Variants in BANK1 observed in about 807,000 individuals in gnomAD.
The protein encoded by BANK1 is B cell scaffold protein with ankyrin repeats 1, also known as B-cell scaffold protein with ankyrin repeats.
BANK1 carries 95 observed loss-of-function variants against 94.5 expected under a neutral mutation model. The observed-to-expected ratio is 1.00, with a 90% CI of 0.85 to 1.19. The LOEUF is 1.19. Among genes scored for constraint, BANK1 ranks in the 50% most tolerant of loss-of-function variants. The pLI is 0.00. For missense variants in BANK1, 987 were observed against 932.2 expected, an observed-to-expected ratio of 1.06 and a Z score of -0.77; for synonymous variants, 334 against 308.4, an observed-to-expected ratio of 1.08 and a Z score of -0.87.
chr4:101,999,612 A>G (rs1038557191), intron 7 of BANK1, among the ~76,000 whole-genome samples: 2 of 152,232 alleles, frequency 1.3e-5, no homozygotes, highest in South Asian at 4.1e-4. Context: ...GCACTGGAAT[A>G]TAATAGTGAG....
intron 7 of BANK1, among the ~76,000 whole-genome samples, chr4:102,017,616 C>A (rs1277644524): frequency 1.3e-5 from 2 of 152,190 alleles, no homozygotes; most frequent in African/African-American, 4.8e-5. Flanking sequence ...TTCAATTCTG[C>A]CTTCCTAAGA....
At chr4:101,840,397 C>G in intron 2 of BANK1, among the ~76,000 whole-genome samples, 1 of 152,040 alleles carries the variant, frequency 6.6e-6, no homozygotes, top group Non-Finnish European at 1.5e-5. Flanking sequence ...CAAAATCTGG[C>G]CATAAACTTG....
At chr4:101,955,469 T>C (rs1724305445) in intron 7 of BANK1, among the ~76,000 whole-genome samples, 1 of 152,112 alleles carries the variant, frequency 6.6e-6, no homozygotes. Context: ...TTAGAGCCAG[T>C]GTCTTTTTTT....
rs149640130 is a variant in BANK1 at position 102,034,766 on chromosome 4, C to CAGTA, written c.1900+4505_1900+4508dup. On this transcript the variant is annotated intron_variant, in intron 10 of 16. Coordinates refer to ENST00000322953, the MANE Select transcript of BANK1 (RefSeq NM_017935.5). ...TTTTAGAGATAAAGAAACTAATGCT[C>CAGTA]AGTAAGTGCCAACGTCTTTCCCAAA... Among the ~76,000 whole-genome samples, 1,205 of 152,284 alleles carry CAGTA rather than the reference C, an allele frequency of 7.9e-3. 15 individuals are homozygous for CAGTA. The highest frequency in any genetic ancestry group is 0.028 in the African/African-American group (1,145 of 41,550).
chr4:101,829,154 G>A (rs867639037), intron 1 of BANK1, among the ~76,000 whole-genome samples: 3 of 152,064 alleles, frequency 2.0e-5, no homozygotes, highest in Non-Finnish European at 4.4e-5. Context: ...GAGCCACCGC[G>A]CCGGGCAAGA....
chr4:102,037,019 T>C (rs1006221731), intron 10 of BANK1: 1 of 152,256 alleles, frequency 6.6e-6, no homozygotes, highest in Admixed American at 6.5e-5. Flanking sequence ...AGATTTTCAT[T>C]CGACAGCACA....
At chr4:101,850,300 C>T (rs1331102811) in intron 2 of BANK1, among the ~76,000 whole-genome samples, 1 of 152,052 alleles carries the variant, frequency 6.6e-6, no homozygotes, top group East Asian at 1.9e-4. Flanking sequence ...GAGAGGGAGT[C>T]TTGCTTTGTC....
intron 8 of BANK1, 139 bp from the exon 9 acceptor site, chr4:102,025,062 A>T: frequency 1.1e-6 from 1 of 891,642 alleles, no homozygotes; most frequent in Non-Finnish European, 1.7e-6. Context: ...ACTAAAAGTT[A>T]CACATTTGAC....
rs1245831913 is a variant in BANK1 at position 101,918,010 on chromosome 4, C to A, written c.1027C>A (p.Leu343Ile). The change falls in exon 7 of 17, where the codon CTT becomes ATT. Residue 343 changes from leucine to isoleucine, a missense_variant. Coordinates refer to ENST00000322953, the MANE Select transcript of BANK1 (RefSeq NM_017935.5). Reference protein sequence around the residue: ...SQNKYTHFKELPTLLHCAAKF... With the variant: ...SQNKYTHFKEIPTLLHCAAKF... ...GCTTACAGATACTCATTTCAAAGAA[C>A]TTCCAACTCTTCTCCACTGTGCAGC... The A allele has an allele frequency of 6.2e-7, 1 of 1,606,758 alleles. No individual in the cohort carries two copies. Among genetic ancestry groups the A allele is most frequent in the East Asian group, 2.2e-5 (1 of 44,764 alleles).
chr4:101,822,254 C>T (rs1467939441), intron 1 of BANK1, among the ~76,000 whole-genome samples: 1 of 151,772 alleles, frequency 6.6e-6, no homozygotes, highest in African/African-American at 2.4e-5. Flanking sequence ...CCTGTGGTCC[C>T]AGCTACTCGG....
chr4:102,013,321 T>G (rs1219476323), intron 7 of BANK1, among the ~76,000 whole-genome samples: 2 of 152,110 alleles, frequency 1.3e-5, no homozygotes, highest in Non-Finnish European at 2.9e-5. Context: ...CCCTTCTGAG[T>G]CAGCACTGGT....
At chr4:101,803,238 CT>C (rs1168081925) in intron 1 of BANK1, among the ~76,000 whole-genome samples, 1 of 151,744 alleles carries the variant, frequency 6.6e-6, no homozygotes, top group Non-Finnish European at 1.5e-5. Context: ...GTTATATTTT[CT>C]TTAGTGTTAT....
intron 9 of BANK1, among the ~76,000 whole-genome samples, chr4:102,025,718 G>GCTTC (rs1284267062): frequency 1.3e-4 from 19 of 151,762 alleles, no homozygotes; most frequent in Non-Finnish European, 2.1e-4. Context: ...TTATTTCCTT[G>GCTTC]CTTCCTTCCT....
intron 7 of BANK1, among the ~76,000 whole-genome samples, chr4:101,934,146 A>C (rs1723450444): frequency 6.6e-6 from 1 of 151,568 alleles, no homozygotes; most frequent in African/African-American, 2.4e-5. Context: ...AAGAAGGCCA[A>C]ACATGTATTA....
rs1363594136 is a variant in BANK1, at chr4:102,007,097, A to ATATATATAT, written c.1207-14416_1207-14415insATATATATT. Among the ~76,000 whole-genome samples the ATATATATAT allele has an allele frequency of 3.0e-3, 230 of 77,024 alleles. 5 individuals carry two copies. Among genetic ancestry groups the ATATATATAT allele is most frequent in the African/African-American group, 9.4e-3 (220 of 23,506 alleles). 50.5% of individuals were successfully genotyped at this position (77,024 alleles called of 152,430 possible). On this transcript the variant is annotated intron_variant, in intron 7 of 16. Coordinates refer to ENST00000322953, the MANE Select transcript of BANK1 (RefSeq NM_017935.5). Reference sequence around the variant, plus strand: ...ATATATATAAATATATATATAATATATTTATATATATATAAATATATATTT... The same window carrying ATATATATAT: ...ATATATATAAATATATATATAATATATATATATATTTTATATATATATAAATATATATTT...
intron 1 of BANK1, among the ~76,000 whole-genome samples, chr4:101,791,393 C>T (rs547029356): frequency 6.6e-6 from 1 of 152,312 alleles, no homozygotes; most frequent in Non-Finnish European, 1.5e-5. Flanking sequence ...CCTGACAAAT[C>T]CCAGCCTGGT....
intron 7 of BANK1, among the ~76,000 whole-genome samples, chr4:101,940,945 G>A (rs969446992): frequency 6.6e-6 from 1 of 151,626 alleles, no homozygotes; most frequent in Non-Finnish European, 1.5e-5. Context: ...AGGGAGTGGG[G>A]GTTTATGCTC....
chr4:101,834,759 A>G (rs1040593188), intron 2 of BANK1, among the ~76,000 whole-genome samples: 2 of 152,186 alleles, frequency 1.3e-5, no homozygotes, highest in African/African-American at 4.8e-5. Context: ...CTTATTATTC[A>G]GAAACAGGCT....
intron 7 of BANK1, among the ~76,000 whole-genome samples, chr4:101,980,185 A>T (rs1258306243): frequency 6.6e-6 from 1 of 151,756 alleles, no homozygotes; most frequent in Admixed American, 6.6e-5. Flanking sequence ...TGGTTTATAG[A>T]TTTCTGTGTC....
Sources: allele counts gnomAD v4.1 joint callset (sites outside exome capture counted in the v4.1 genomes callset), GRCh38; gene constraint gnomAD v4.1.1; transcripts MANE v1.5; gene names NCBI Gene and HGNC (gene_info 2026-07-23, HGNC 2026-07-21).